BRINP3: variants seen among roughly 807,000 people sequenced by gnomAD.
BRINP3 encodes BMP/retinoic acid-inducible neural-specific protein 3.
Under a neutral mutation model 71.0 loss-of-function variants are expected in BRINP3, and 19 were observed. The observed-to-expected ratio is 0.27, with a 90% CI of 0.19 to 0.39. The LOEUF is 0.39. Among genes scored for constraint, BRINP3 ranks in the 10% least tolerant of loss-of-function variants. The pLI is 1.00. For missense variants in BRINP3, 959 were observed against 940.8 expected (o/e 1.02, Z -0.25); for synonymous variants, 380 against 337.7 (o/e 1.13, Z -1.37).
intron 1 of BRINP3, among the ~76,000 whole-genome samples, chr1:190,471,450 T>C: frequency 6.6e-6 from 1 of 151,492 alleles, no homozygotes; most frequent in East Asian, 1.9e-4. Context: ...TTATGAATTA[T>C]TAACACTAAA....
At chr1:190,331,307 C>A in intron 2 of BRINP3, among the ~76,000 whole-genome samples, 1 of 151,812 alleles carries the variant, frequency 6.6e-6, no homozygotes, top group Non-Finnish European at 1.5e-5. Context: ...ATGTATGTAC[C>A]CAAAGACTTT....
chr1:190,134,649 C>G (rs1241161981), intron 7 of BRINP3, among the ~76,000 whole-genome samples: 2 of 151,986 alleles, frequency 1.3e-5, no homozygotes, highest in Non-Finnish European at 2.9e-5. Flanking sequence ...TCATACAAAC[C>G]AAGTGGGTTA....
intron 2 of BRINP3, among the ~76,000 whole-genome samples, chr1:190,429,820 A>T (rs1046344096): frequency 4.6e-5 from 7 of 151,946 alleles, no homozygotes; most frequent in African/African-American, 7.2e-5. Context: ...AACTCCCGAC[A>T]TCAAGTCATC....
At chr1:190,257,280 G>T (rs1486079615) in intron 4 of BRINP3, among the ~76,000 whole-genome samples, 1 of 151,958 alleles carries the variant, frequency 6.6e-6, no homozygotes, top group African/African-American at 2.4e-5. Flanking sequence ...GATCAAATTG[G>T]CTAGTGAAGC....
At chr1:190,206,326 A>T (rs1655495854) in intron 6 of BRINP3, among the ~76,000 whole-genome samples, 1 of 152,054 alleles carries the variant, frequency 6.6e-6, no homozygotes, top group African/African-American at 2.4e-5. Flanking sequence ...CTGCTAAATA[A>T]ATAAATAAAT....
At chr1:190,103,697 G>A (rs1270399898) in intron 7 of BRINP3, among the ~76,000 whole-genome samples, 1 of 152,022 alleles carries the variant, frequency 6.6e-6, no homozygotes, top group Non-Finnish European at 1.5e-5. Flanking sequence ...TGAAAGTTCT[G>A]TAGAGAAGAG....
At chr1:190,145,533 G>C (rs569851472) in intron 7 of BRINP3, among the ~76,000 whole-genome samples, 2 of 152,198 alleles carry the variant, frequency 1.3e-5, no homozygotes, top group South Asian at 2.1e-4. Context: ...TCCAATCAGG[G>C]AAGAATTTCA....
At chr1:190,449,378 T>C (rs1571342213) in intron 2 of BRINP3, among the ~76,000 whole-genome samples, 1 of 152,182 alleles carries the variant, frequency 6.6e-6, no homozygotes, top group Non-Finnish European at 1.5e-5. Flanking sequence ...TGTGTATGTG[T>C]ATATCAGGGA....
Position 190,264,856 on chromosome 1 carries a change from C to A in BRINP3, c.618+9G>T. 1 of 1,610,780 alleles carries A rather than the reference C, an allele frequency of 6.2e-7. No homozygotes were observed. The highest frequency in any genetic ancestry group is 1.3e-5 in the African/African-American group (1 of 74,864). On this transcript the variant is annotated intron_variant, in intron 4 of 7. Transcript: ENST00000367462. ...GAAGGTGATAATTTTAGCGTAAACT[C>A]ATTCTTACCTTTATGGCAGTGGATG...
chr1:190,429,985 A>G (rs1451303229), intron 2 of BRINP3, among the ~76,000 whole-genome samples: 1 of 152,196 alleles, frequency 6.6e-6, no homozygotes, highest in Non-Finnish European at 1.5e-5. Context: ...ACATAACAAA[A>G]CATAATCTTG....
At chr1:190,365,561 T>A (rs1669431877) in intron 2 of BRINP3, among the ~76,000 whole-genome samples, 1 of 147,452 alleles carries the variant, frequency 6.8e-6, no homozygotes. Context: ...AATATAATTA[T>A]ATTTTAGTTT....
intron 6 of BRINP3, among the ~76,000 whole-genome samples, chr1:190,185,295 G>A (rs759005224): frequency 5.3e-5 from 8 of 151,840 alleles, no homozygotes; most frequent in Admixed American, 1.3e-4. Flanking sequence ...AAATGGACTC[G>A]AATAGATATT....
intron 7 of BRINP3, among the ~76,000 whole-genome samples, chr1:190,150,303 C>T (rs1656278609): frequency 6.6e-6 from 1 of 151,204 alleles, no homozygotes; most frequent in African/African-American, 2.4e-5. Flanking sequence ...TACATAGATA[C>T]ATATACATGT....
At chr1:190,378,577 A>C (rs1248249104) in intron 2 of BRINP3, among the ~76,000 whole-genome samples, 1 of 152,228 alleles carries the variant, frequency 6.6e-6, no homozygotes, top group Non-Finnish European at 1.5e-5. Context: ...TACATTAGTA[A>C]AATAATTTAT....
chr1:190,311,520 A>G (rs1180670792), intron 2 of BRINP3, among the ~76,000 whole-genome samples: 1 of 151,646 alleles, frequency 6.6e-6, no homozygotes, highest in African/African-American at 2.4e-5. Flanking sequence ...AGAAATAATG[A>G]TATGGGTTTG....
chr1:190,191,882 T>G (rs1654067584), intron 6 of BRINP3, among the ~76,000 whole-genome samples: 1 of 152,114 alleles, frequency 6.6e-6, no homozygotes, highest in African/African-American at 2.4e-5. Flanking sequence ...TAAAATCAAT[T>G]TTTACATTCT....
intron 1 of BRINP3, among the ~76,000 whole-genome samples, chr1:190,459,135 CAAAAAA>C (rs113637584): frequency 0.029 from 2,777 of 96,284 alleles, 89 homozygotes; most frequent in African/African-American, 0.091. Context: ...TTCTTTCTCA[CAAAAAA>C]AAAAAAAAAT....
chr1:190,354,027 G>A (rs1437429239), intron 2 of BRINP3, among the ~76,000 whole-genome samples: 2 of 151,870 alleles, frequency 1.3e-5, no homozygotes, highest in Non-Finnish European at 2.9e-5. Context: ...AACTTAACAA[G>A]CCACTTAAAC....
intron 4 of BRINP3, among the ~76,000 whole-genome samples, chr1:190,264,300 G>T (rs1661458908): frequency 6.6e-6 from 1 of 151,942 alleles, no homozygotes; most frequent in African/African-American, 2.4e-5. Flanking sequence ...AATGACTTTA[G>T]TGAACACATA....
Sources: gnomAD v4.1 joint callset for allele counts (sites outside exome capture counted in the v4.1 genomes callset) on GRCh38, gnomAD v4.1.1 for gene constraint, MANE v1.5 for transcripts, NCBI Gene and HGNC (gene_info 2026-07-23, HGNC 2026-07-21) for gene names.